The following NT5DC1 variants were observed in gnomAD, a reference collection of about 807,000 sequenced individuals.
NT5DC1 encodes 5'-nucleotidase domain-containing protein 1.
A neutral mutation model predicts 59.4 loss-of-function variants in NT5DC1; 42 were observed. The observed-to-expected ratio is 0.71, with a 90% CI of 0.55 to 0.92. The LOEUF (loss-of-function observed/expected upper bound fraction) is 0.92. Ranked by LOEUF, NT5DC1 falls within the 40% of genes least tolerant of loss-of-function variation. NT5DC1 has a pLI of 0.00. For missense variants in NT5DC1, 501 were observed against 537.1 expected (o/e 0.93, Z 0.66); for synonymous variants, 172 against 188.1 (o/e 0.91, Z 0.70).
At chr6:116,125,559 TTTA>T in intron 6 of NT5DC1, 1 of 1,542,412 alleles carries the variant, frequency 6.5e-7, no homozygotes, top group South Asian at 1.1e-5. Flanking sequence ...AACCTATTTT[TTTA>T]TTCTCATGTT....
intron 6 of NT5DC1, among the ~76,000 whole-genome samples, chr6:116,214,398 C>A (rs1032510599): frequency 6.6e-6 from 1 of 152,012 alleles, no homozygotes; most frequent in Non-Finnish European, 1.5e-5. Context: ...TATCAGATAA[C>A]GTTAAATATG....
intron 6 of NT5DC1, among the ~76,000 whole-genome samples, chr6:116,187,971 C>A (rs1458086530): frequency 6.6e-6 from 1 of 151,848 alleles, no homozygotes; most frequent in African/African-American, 2.4e-5. Context: ...AGACTTTTAT[C>A]TAGTGTAAAA....
intron 6 of NT5DC1, among the ~76,000 whole-genome samples, chr6:116,138,294 GT>G (rs2114355479): frequency 6.6e-6 from 1 of 152,272 alleles, no homozygotes; most frequent in South Asian, 2.1e-4. Context: ...TAAAGCGACT[GT>G]TTTCTGTGGA....
chr6:116,155,442 C>T (rs1001608637), intron 6 of NT5DC1, among the ~76,000 whole-genome samples: 1 of 152,012 alleles, frequency 6.6e-6, no homozygotes, highest in Non-Finnish European at 1.5e-5. Context: ...CTCTAGAGGA[C>T]CATTGTGAAT....
chr6:116,222,599 G>C (rs184555639), intron 7 of NT5DC1, among the ~76,000 whole-genome samples: 10 of 152,292 alleles, frequency 6.6e-5, no homozygotes, highest in Admixed American at 5.9e-4. Flanking sequence ...TCTGAAAGAT[G>C]ACCATGACTT....
intron 6 of NT5DC1, among the ~76,000 whole-genome samples, chr6:116,185,550 G>A (rs1336110596): frequency 6.6e-6 from 1 of 152,066 alleles, no homozygotes; most frequent in Non-Finnish European, 1.5e-5. Context: ...GAGCTCTACT[G>A]TTGGGTGCGT....
In NT5DC1 at chr6:116,108,404, C is replaced by A. The variant is rs1356962484; in HGVS notation, c.226C>A (p.Leu76Ile). 6.2e-7 allele frequency: 1 copy of A among 1,609,858 alleles called. No homozygotes were observed. The highest frequency in any genetic ancestry group is 1.7e-5 in the Admixed American group (1 of 60,012). ...ATTGGATCTAGAAGATGGGAACTTCCTTAAACTTGCAAATAATGGCACTGT... is the reference window on the plus strand; with the variant it reads ...ATTGGATCTAGAAGATGGGAACTTCATTAAACTTGCAAATAATGGCACTGT... ...LALDLEDGNF[L>I]KLANNGTVLR... The change falls in exon 3 of 12, where the codon CTT becomes ATT. Residue 76 changes from leucine to isoleucine, a missense_variant. Coordinates refer to ENST00000319550, the MANE Select transcript of NT5DC1 (RefSeq NM_152729.3).
chr6:116,165,857 T>C (rs974334042), intron 6 of NT5DC1, among the ~76,000 whole-genome samples: 1 of 152,192 alleles, frequency 6.6e-6, no homozygotes, highest in African/African-American at 2.4e-5. Flanking sequence ...AGGGTACTGG[T>C]GATTGCAACA....
intron 6 of NT5DC1, among the ~76,000 whole-genome samples, chr6:116,146,461 G>A (rs1055552260): frequency 3.9e-5 from 6 of 152,136 alleles, no homozygotes; most frequent in African/African-American, 1.4e-4. Context: ...CTCAAAATGG[G>A]GGAAAGAAAT....
intron 6 of NT5DC1, chr6:116,158,789 T>C (rs1780263708): frequency 6.6e-6 from 1 of 152,204 alleles, no homozygotes; most frequent in African/African-American, 2.4e-5. Flanking sequence ...GCTTTTGAAC[T>C]TTATACTTTT....
intron 6 of NT5DC1, chr6:116,120,523 C>A: frequency 6.2e-7 from 1 of 1,614,096 alleles, no homozygotes; most frequent in Non-Finnish European, 8.5e-7. Context: ...AAAGACTGGG[C>A]CTTTGGCCTG....
At chr6:116,105,371 G>A (rs1207113507) in intron 1 of NT5DC1, among the ~76,000 whole-genome samples, 1 of 152,126 alleles carries the variant, frequency 6.6e-6, no homozygotes, top group Non-Finnish European at 1.5e-5. Context: ...ACATGTTATC[G>A]AAACCTGTTG....
chr6:116,183,301 G>A (rs1381494282), intron 6 of NT5DC1, among the ~76,000 whole-genome samples: 1 of 152,026 alleles, frequency 6.6e-6, no homozygotes, highest in African/African-American at 2.4e-5. Context: ...TCAAAGTTGG[G>A]TAATGTGATG....
chr6:116,203,356 C>T (rs908023121), intron 6 of NT5DC1, among the ~76,000 whole-genome samples: 9 of 151,840 alleles, frequency 5.9e-5, no homozygotes, highest in Admixed American at 2.6e-4. Context: ...CCCTGCAGTC[C>T]GCCAGAAGCT....
At chr6:116,121,158 C>G (rs750527856) in intron 6 of NT5DC1, 2 of 1,613,086 alleles carry the variant, frequency 1.2e-6, no homozygotes, top group African/African-American at 2.7e-5. Flanking sequence ...CCTTTGGCAC[C>G]TGGACCCCCA....
chr6:116,178,097 G>A (rs1214525618), intron 6 of NT5DC1, among the ~76,000 whole-genome samples: 59 of 103,994 alleles, frequency 5.7e-4, no homozygotes, highest in Admixed American at 2.3e-3. Flanking sequence ...GTGCGCGCGC[G>A]CGCGCGTGCG....
intron 6 of NT5DC1, among the ~76,000 whole-genome samples, chr6:116,136,583 A>G (rs897964475): frequency 9.9e-5 from 15 of 152,164 alleles, no homozygotes; most frequent in Admixed American, 6.5e-4. Flanking sequence ...CACACCACAT[A>G]ACACTTACTA....
chr6:116,236,912 A>T, intron 8 of NT5DC1, 54 bp from the exon 9 acceptor site: 2 of 1,129,086 alleles, frequency 1.8e-6, no homozygotes, highest in South Asian at 2.5e-5. Context: ...GGTCTGCCCA[A>T]CTGGCTACTC....
At chr6:116,206,171 C>T (rs1036031493) in intron 6 of NT5DC1, among the ~76,000 whole-genome samples, 2 of 151,994 alleles carry the variant, frequency 1.3e-5, no homozygotes, top group African/African-American at 2.4e-5. Context: ...ATTTTGGGCC[C>T]ATGCAGGGCA....
Sources: allele counts gnomAD v4.1 joint callset (sites outside exome capture counted in the v4.1 genomes callset), GRCh38; gene constraint gnomAD v4.1.1; transcripts MANE v1.5; gene names NCBI Gene and HGNC (gene_info 2026-07-23, HGNC 2026-07-21).